Variants in TTC38 observed in about 807,000 individuals in gnomAD.
The protein encoded by TTC38 is tetratricopeptide repeat protein 38.
A neutral mutation model predicts 64.2 loss-of-function variants in TTC38; 64 were observed. The observed-to-expected ratio is 1.00, with a 90% CI of 0.81 to 1.23. TTC38 has a LOEUF of 1.23. Ranked by LOEUF, TTC38 falls within the 50% of genes most tolerant of loss-of-function variation. The pLI, the probability that TTC38 is intolerant of heterozygous loss-of-function variation, is 0.00. For synonymous variants in TTC38, 254 were observed against 249.3 expected (o/e 1.02, Z -0.18); for missense variants, 573 against 615.5 (o/e 0.93, Z 0.73).
chr22:46,277,646 G>A (rs536633525), intron 5 of TTC38, among the ~76,000 whole-genome samples: 5 of 151,284 alleles, frequency 3.3e-5, no homozygotes, highest in South Asian at 4.2e-4. Context: ...GATTGGAAGC[G>A]TGCAATTATT....
Position 46,274,558 on chromosome 22 carries a change from C to T in TTC38, c.365+489C>T, listed in dbSNP as rs970348839. 4.6e-5 allele frequency among the ~76,000 whole-genome samples: 7 copies of T among 152,190 alleles called. No homozygotes were observed. The highest frequency in any genetic ancestry group is 1.0e-4 in the Non-Finnish European group (7 of 68,040). On this transcript the variant is annotated intron_variant, in intron 4 of 13. Coordinates refer to ENST00000381031, the MANE Select transcript of TTC38 (RefSeq NM_017931.4). The surrounding 1 kb of genome is among the most constrained non-coding windows in gnomAD (Gnocchi z 4.8). ...CTGCTCAGGCAGGCGAGATGCCCTG[C>T]AGAGTTAGGCGACCCTAGCCGATTG...
intron 8 of TTC38, 83 bp from the exon 9 acceptor site, chr22:46,285,158 T>C: frequency 7.8e-7 from 1 of 1,284,956 alleles, no homozygotes; most frequent in South Asian, 1.2e-5. Flanking sequence ...TCAGGGGTCT[T>C]TGGCCTGGCC....
At chr22:46,286,986 C>G in intron 9 of TTC38, 87 bp from the exon 10 acceptor site, 1 of 1,067,926 alleles carries the variant, frequency 9.4e-7, no homozygotes, top group East Asian at 2.6e-5. Context: ...AGGCCCCACC[C>G]CACCTGGACA....
chr22:46,278,756 C>A, intron 6 of TTC38, 95 bp downstream of exon 6: 2 of 983,024 alleles, frequency 2.0e-6, no homozygotes, highest in South Asian at 2.6e-5. Context: ...GTGACCCCGG[C>A]GAACCCCATC....
chr22:46,280,542 G>A (rs1057037167), intron 6 of TTC38, among the ~76,000 whole-genome samples: 1 of 152,218 alleles, frequency 6.6e-6, no homozygotes, highest in African/African-American at 2.4e-5. Context: ...CCCCACGCCC[G>A]CCCTGCTTAG....
At chr22:46,268,491 T>C in intron 1 of TTC38, 23 bp from the exon 2 acceptor site, 1 of 1,611,488 alleles carries the variant, frequency 6.2e-7, no homozygotes, top group Non-Finnish European at 8.5e-7. Context: ...AAGGCACTGC[T>C]ATTCCCTTCT....
At chr22:46,287,049 C>G (rs201497833) in intron 9 of TTC38, 24 bp from the exon 10 acceptor site, 25 of 1,581,034 alleles carry the variant, frequency 1.6e-5, no homozygotes, top group Non-Finnish European at 2.1e-5. Context: ...CCGCTGAGCC[C>G]GCCTTGGCCG....
rs543245356 is a variant in TTC38 at position 46,281,044 on chromosome 22, G to A, written c.616-555G>A. ...CTCACAGGTCATGGGAGCGGCTGTT[G>A]TCATGAACTGTGATAACCTCAGAGC... is the stretch of plus-strand genomic sequence containing the variant. On this transcript the variant is annotated intron_variant, in intron 6 of 13. Coordinates refer to ENST00000381031, the MANE Select transcript of TTC38 (RefSeq NM_017931.4). This position sits in a 1 kb window ranked among gnomAD's most constrained non-coding sequence, Gnocchi z 5.2. 6.6e-6 allele frequency among the ~76,000 whole-genome samples: 1 copy of A among 152,360 alleles called. No individual in the cohort carries two copies. The highest frequency in any genetic ancestry group is 1.9e-4 in the East Asian group (1 of 5,188).
chr22:46,293,923 G>GTTTGCTC lies in TTC38; in HGVS notation c.*1039_*1040insTTTGCTC, dbSNP rs1285786823. 6.6e-6 allele frequency: 1 copy of GTTTGCTC among 152,232 alleles called. No individual in the cohort carries two copies. The highest frequency in any genetic ancestry group is 1.5e-5 in the Non-Finnish European group (1 of 68,050). The allele number at this position is 152,232 out of a possible 1,614,324, so 9.4% of individuals were successfully genotyped here. The stretch of plus-strand genomic sequence containing the variant: ...CAGGCAGGCCTCTCAGAAGGGAGAG[G>GTTTGCTC]AGGCCTCCAAATCTATTGAGTCCCC... On this transcript the variant is annotated 3_prime_UTR_variant, in exon 14 of 14. Coordinates refer to ENST00000381031, the MANE Select transcript of TTC38 (RefSeq NM_017931.4). This position sits in a 1 kb window ranked among gnomAD's most constrained non-coding sequence, Gnocchi z 6.6.
Position 46,281,806 on chromosome 22 carries a change from G to A in TTC38, c.735+88G>A, listed in dbSNP as rs528133272. 1.3e-3 allele frequency: 2,011 copies of A among 1,565,522 alleles called. 37 individuals carry two copies. In the South Asian group the frequency reaches 0.021, roughly 17 times the overall value. On this transcript the variant is annotated intron_variant, in intron 7 of 13. Coordinates refer to ENST00000381031, the MANE Select transcript of TTC38 (RefSeq NM_017931.4). This position sits in a 1 kb window ranked among gnomAD's most constrained non-coding sequence, Gnocchi z 5.2. The stretch of plus-strand genomic sequence containing the variant: ...AAGGCTTTATGGACAAGAGTTACAG[G>A]GCATGGCTTAATTCTCGGGGTTCCC...
rs146620155 is a variant in TTC38, at chr22:46,282,707, C to A, written c.735+989C>A. Among the ~76,000 whole-genome samples, 18 of 152,256 alleles carry A rather than the reference C, an allele frequency of 1.2e-4. No individual in the cohort carries two copies. Among genetic ancestry groups the A allele is most frequent in the Admixed American group, 3.9e-4 (6 of 15,308 alleles). On this transcript the variant is annotated intron_variant, in intron 7 of 13. Transcript: ENST00000381031. The surrounding 1 kb of genome is among the most constrained non-coding windows in gnomAD (Gnocchi z 4.4). ...GAGGTTTGTTTGAGGTTTCTGAGTG[C>A]TGGGCACTCTAGCTTGTTGAGGATC...
In TTC38 at chr22:46,291,776, G is replaced by A. The variant is rs2077617695; in HGVS notation, c.1317-1015G>A. The stretch of plus-strand genomic sequence containing the variant: ...TCAAGACCAGCCTGGCTAATATGGT[G>A]AAACTCCGCCTCTACTAAAAATACA... On this transcript the variant is annotated intron_variant, in intron 13 of 13. Coordinates refer to ENST00000381031, the MANE Select transcript of TTC38 (RefSeq NM_017931.4). The surrounding 1 kb of genome is among the most constrained non-coding windows in gnomAD (Gnocchi z 4.6). Among the ~76,000 whole-genome samples the A allele has an allele frequency of 6.6e-6, 1 of 152,146 alleles. No individual in the cohort carries two copies. Among genetic ancestry groups the A allele is most frequent in the African/African-American group, 2.4e-5 (1 of 41,428 alleles).
chr22:46,287,041 G>T, intron 9 of TTC38, 32 bp from the exon 10 acceptor site: 2 of 1,564,666 alleles, frequency 1.3e-6, no homozygotes, highest in Non-Finnish European at 1.7e-6. Flanking sequence ...TGGGCCACCC[G>T]CTGAGCCCGC....
chr22:46,281,518 C>T lies in TTC38; in HGVS notation c.616-81C>T. 6.3e-7 allele frequency: 1 copy of T among 1,575,848 alleles called. No homozygotes were observed. The highest frequency in any genetic ancestry group is 8.7e-7 in the Non-Finnish European group (1 of 1,155,520). The stretch of plus-strand genomic sequence containing the variant: ...CCGTTCAGCCCAGGCCCCTCTTGCC[C>T]CTTAGAGACCTGCCGTCGCCTGCCC... On this transcript the variant is annotated intron_variant, in intron 6 of 13. Coordinates refer to ENST00000381031, the MANE Select transcript of TTC38 (RefSeq NM_017931.4). The surrounding 1 kb of genome is among the most constrained non-coding windows in gnomAD (Gnocchi z 5.2).
chr22:46,282,446 G>A lies in TTC38; in HGVS notation c.735+728G>A, dbSNP rs1356356595. Among the ~76,000 whole-genome samples, 1 of 152,202 alleles carries A rather than the reference G, an allele frequency of 6.6e-6. No homozygotes were observed. The highest frequency in any genetic ancestry group is 1.5e-5 in the Non-Finnish European group (1 of 68,018). ...CTGGACAGACGGGGCTGCATCAGGT[G>A]AGCCTATTGGGCTCAAGGGAGATGG... On this transcript the variant is annotated intron_variant, in intron 7 of 13. Transcript: ENST00000381031. The surrounding 1 kb of genome is among the most constrained non-coding windows in gnomAD (Gnocchi z 4.4).
intron 1 of TTC38, 64 bp from the exon 2 acceptor site, chr22:46,268,450 G>A (rs1375777520): frequency 6.6e-7 from 1 of 1,524,632 alleles, no homozygotes; most frequent in African/African-American, 1.4e-5. Context: ...GGAGACGTGT[G>A]TGTGTTGAAG....
Position 46,292,975 on chromosome 22 carries a change from C to A in TTC38, c.*91C>A. On this transcript the variant is annotated 3_prime_UTR_variant, in exon 14 of 14. Transcript: ENST00000381031. This position sits in a 1 kb window ranked among gnomAD's most constrained non-coding sequence, Gnocchi z 6.5. ...CCACCGGGTTAGGGTCAGGAGACGG[C>A]CAGAGCCTGTTTGTTAGGGCTGTTA... 1 of 998,460 alleles carries A rather than the reference C, an allele frequency of 1.0e-6. No homozygotes were observed. Among genetic ancestry groups the A allele is most frequent in the Non-Finnish European group, 1.6e-6 (1 of 638,836 alleles). The allele number at this position is 998,460 out of a possible 1,614,324, so 61.9% of individuals were successfully genotyped here.
chr22:46,275,394 T>C lies in TTC38; in HGVS notation c.512T>C (p.Phe171Ser). 4 of 1,614,060 alleles carry C rather than the reference T, an allele frequency of 2.5e-6. No individual in the cohort carries two copies. The highest frequency in any genetic ancestry group is 2.5e-6 in the Non-Finnish European group (3 of 1,179,958). Residue 171 changes from phenylalanine to serine, a missense_variant, in exon 5 of 14, where the codon TTC (phenylalanine) becomes TCC (serine). Physicochemically the swap from Phe to Ser is radical, Grantham distance 155. This residue lies in a region of TTC38 where 68 missense variants were observed against 107.3 expected (regional missense o/e 0.63). Transcript: ENST00000381031. The surrounding 1 kb of genome is among the most constrained non-coding windows in gnomAD (Gnocchi z 4.5). Reference protein sequence around the residue: ...MRDSVARIYPFWTPDIPLSSY... With the variant: ...MRDSVARIYPSWTPDIPLSSY... Reference sequence around the variant, plus strand: ...GATTCTGTTGCTCGAATTTACCCCTTCTGGACACCTGACATCCCCCTAAGC... The same window carrying C: ...GATTCTGTTGCTCGAATTTACCCCTCCTGGACACCTGACATCCCCCTAAGC...
chr22:46,273,618 C>G lies in TTC38; in HGVS notation c.194-280C>G, dbSNP rs1387640613. ...GAGCCTGCAGGCAGCCTCTAAGTGG[C>G]TCATCCATTGAAGGGGGAAGGTGCT... On this transcript the variant is annotated intron_variant, in intron 3 of 13. Transcript: ENST00000381031. The surrounding 1 kb of genome is among the most constrained non-coding windows in gnomAD (Gnocchi z 5.1). Among the ~76,000 whole-genome samples the G allele has an allele frequency of 6.6e-6, 1 of 152,228 alleles. No individual in the cohort carries two copies. The highest frequency in any genetic ancestry group is 1.5e-5 in the Non-Finnish European group (1 of 68,034).
Sources: allele counts gnomAD v4.1 joint callset (sites outside exome capture counted in the v4.1 genomes callset), GRCh38; gene constraint gnomAD v4.1.1; regional missense constraint gnomAD v4.1.1; non-coding constraint Gnocchi (gnomAD v3.1); transcripts MANE v1.5; gene names NCBI Gene and HGNC (gene_info 2026-07-23, HGNC 2026-07-21).